CKS1B: variants seen among roughly 807,000 people sequenced by gnomAD.
CKS1B encodes cyclin-dependent kinases regulatory subunit 1.
Under a neutral mutation model 12.2 loss-of-function variants are expected in CKS1B, and 5 were observed. That is an observed-to-expected ratio of 0.41 (90% CI 0.21 to 0.86). The LOEUF is 0.86. Ranked by LOEUF, CKS1B falls within the 40% of genes least tolerant of loss-of-function variation. The pLI is 0.32. For missense variants in CKS1B, 53 were observed against 99.9 expected (o/e 0.53, Z 2.00); for synonymous variants, 24 against 34.4 (o/e 0.70, Z 1.06).
chr1:154,974,941 G>A, intron 1 of CKS1B, 137 bp downstream of exon 1: 1 of 1,613,656 alleles, frequency 6.2e-7, no homozygotes, highest in Non-Finnish European at 8.5e-7. Context: ...GTGATATTGT[G>A]GAAGGCGTAA....
Position 154,974,685 on chromosome 1 carries a change from G to A in CKS1B, c.-61G>A. On this transcript the variant is annotated 5_prime_UTR_variant, in exon 1 of 3. Transcript: ENST00000308987. ...GAGGCCAAAGTGGGTGGGAGCGCGTGCTGTTGGGAGTTGCTTGGAGGTTGG... is the reference window on the plus strand; with the variant it reads ...GAGGCCAAAGTGGGTGGGAGCGCGTACTGTTGGGAGTTGCTTGGAGGTTGG... 6.5e-7 allele frequency: 1 copy of A among 1,546,410 alleles called. No homozygotes were observed. Among genetic ancestry groups the A allele is most frequent in the Admixed American group, 2.0e-5 (1 of 51,210 alleles).
intron 2 of CKS1B, 102 bp downstream of exon 2, chr1:154,978,216 G>C (rs1657237626): frequency 1.7e-6 from 2 of 1,207,016 alleles, no homozygotes; most frequent in East Asian, 2.8e-5. Flanking sequence ...ATGGTTTACT[G>C]GTTCCTTCCC....
In CKS1B at chr1:154,974,741, C is replaced by G. The variant is rs562268645; in HGVS notation, c.-5C>G. 3.8e-6 allele frequency: 6 copies of G among 1,595,856 alleles called. No homozygotes were observed. In the South Asian group the frequency reaches 4.5e-5, roughly 12 times the overall value. On this transcript the variant is annotated 5_prime_UTR_variant, in exon 1 of 3. Transcript: ENST00000308987. ...CGGGGCTGAAGGCTAGCAAACCGAG[C>G]GATCATGTCGCACAAACAAATTTAC...
intron 2 of CKS1B, 195 bp downstream of exon 2, chr1:154,978,309 T>C (rs1657240737): frequency 3.3e-6 from 2 of 601,304 alleles, no homozygotes; most frequent in East Asian, 6.0e-5. Context: ...AGAGACAACC[T>C]GTCACTGAAA....
chr1:154,977,819 A>G (rs1212151916), intron 1 of CKS1B, 168 bp from the exon 2 acceptor site: 1 of 609,210 alleles, frequency 1.6e-6, no homozygotes, highest in Non-Finnish European at 2.8e-6. Flanking sequence ...CGGAATTTAT[A>G]TAACATAGCC....
At chr1:154,975,395 T>TA (rs1429467697) in intron 1 of CKS1B, 1 of 194,998 alleles carries the variant, frequency 5.1e-6, no homozygotes, top group African/African-American at 2.3e-5. Flanking sequence ...AGGGAACAGT[T>TA]ACGGAATACT....
chr1:154,974,784 C>T lies in CKS1B; in HGVS notation c.39C>T (p.Asp13=). ...HKQIYYSDKY[D]DEEFEYRHVM... is the part of the protein sequence containing the mutation. ...AAATTTACTATTCGGACAAATACGA[C>T]GACGAGGAGTTTGAGTATCGGTTAG... The change falls in exon 1 of 3, where the codon GAC becomes GAT. Residue 13 remains aspartate (D), a synonymous_variant. Transcript: ENST00000308987. 6.2e-7 allele frequency: 1 copy of T among 1,613,706 alleles called. No homozygotes were observed. Among genetic ancestry groups the T allele is most frequent in the South Asian group, 1.1e-5 (1 of 91,030 alleles).
At chr1:154,974,912 G>A in intron 1 of CKS1B, 108 bp downstream of exon 1, 1 of 1,613,982 alleles carries the variant, frequency 6.2e-7, no homozygotes, top group Non-Finnish European at 8.5e-7. Context: ...ATGCGTACGA[G>A]GTGCGAACGG....
rs575534478 is a variant in CKS1B, at chr1:154,979,169, G to T, written c.*392G>T. The T allele has an allele frequency of 3.1e-5, 6 of 192,986 alleles. No homozygotes were observed. The highest frequency in any genetic ancestry group is 6.5e-5 in the Non-Finnish European group (6 of 92,458). 12.0% of individuals were successfully genotyped at this position (192,986 alleles called of 1,614,324 possible). ...TGGTGACTTGCGGATTTATGTTTCA[G>T]TGTACTGGAAACTTTCCATTTTATT... On this transcript the variant is annotated 3_prime_UTR_variant, in exon 3 of 3. Coordinates refer to ENST00000308987, the MANE Select transcript of CKS1B (RefSeq NM_001826.3).
intron 2 of CKS1B, 179 bp from the exon 3 acceptor site, chr1:154,978,546 A>G: frequency 1.6e-6 from 1 of 614,034 alleles, no homozygotes; most frequent in East Asian, 2.8e-5. Flanking sequence ...GATATTAACA[A>G]TTCTGTACTT....
chr1:154,974,879 A>C, intron 1 of CKS1B, 75 bp downstream of exon 1: 2 of 1,614,048 alleles, frequency 1.2e-6, no homozygotes, highest in Non-Finnish European at 1.7e-6. Flanking sequence ...TAGTAACAGG[A>C]ACTGAGGCGA....
rs1657235176 is a variant in CKS1B, at chr1:154,978,122, C to T, written c.187+8C>T. 1.2e-6 allele frequency: 2 copies of T among 1,613,452 alleles called. No individual in the cohort carries two copies. Among genetic ancestry groups the T allele is most frequent in the Non-Finnish European group, 1.7e-6 (2 of 1,179,820 alleles). The stretch of plus-strand genomic sequence containing the variant: ...ATATGATCCATGAACCAGGTCAGTG[C>T]ACTGGCTAAAAACAACCATATAGAA... On this transcript the variant is annotated splice_region_variant and intron_variant, in intron 2 of 2. Coordinates refer to ENST00000308987, the MANE Select transcript of CKS1B (RefSeq NM_001826.3).
rs1048266122 is a variant in CKS1B at position 154,978,804 on chromosome 1, A to G, written c.*27A>G. On this transcript the variant is annotated 3_prime_UTR_variant, in exon 3 of 3. Coordinates refer to ENST00000308987, the MANE Select transcript of CKS1B (RefSeq NM_001826.3). ...GCTGGCAAGCTACTTTTCAGCCTCA[A>G]GCTTTACACAGCTGTCCTTACTTCC... The G allele has an allele frequency of 1.5e-6, 2 of 1,333,898 alleles. No individual in the cohort carries two copies. The highest frequency in any genetic ancestry group is 2.9e-5 in the African/African-American group (2 of 69,486). 82.6% of individuals were successfully genotyped at this position (1,333,898 alleles called of 1,614,324 possible).
intron 1 of CKS1B, chr1:154,975,012 C>G: frequency 7.1e-7 from 1 of 1,408,270 alleles, no homozygotes; most frequent in Non-Finnish European, 1.0e-6. Flanking sequence ...TTGGAGTCGC[C>G]TCTCAGTAGA....
At chr1:154,975,732 T>TA (rs1175574485) in intron 1 of CKS1B, 7 of 154,880 alleles carry the variant, frequency 4.5e-5, no homozygotes, top group African/African-American at 1.7e-4. Flanking sequence ...GCTGACCTCT[T>TA]ACTTTCGGTC....
chr1:154,977,813 AT>A, intron 1 of CKS1B, 173 bp from the exon 2 acceptor site: 1 of 600,778 alleles, frequency 1.7e-6, no homozygotes, highest in East Asian at 3.0e-5. Context: ...TACTCTCGGA[AT>A]TTATATAACA....
At chr1:154,974,963 G>A (rs182521423) in intron 1 of CKS1B, 159 bp downstream of exon 1, 8 of 1,605,186 alleles carry the variant, frequency 5.0e-6, no homozygotes, top group Non-Finnish European at 6.0e-6. Context: ...GCGCATGCGC[G>A]GAGGTGGGAG....
intron 1 of CKS1B, chr1:154,975,186 G>T (rs1657127661): frequency 8.5e-6 from 5 of 586,652 alleles, no homozygotes; most frequent in South Asian, 6.2e-5. Flanking sequence ...AGCGGAGCTG[G>T]AAGTTTCCTG....
In CKS1B at chr1:154,974,906, G is replaced by A. The variant is rs1486171715; in HGVS notation, c.59+102G>A. 4.3e-6 allele frequency: 7 copies of A among 1,613,906 alleles called. No individual in the cohort carries two copies. In the Admixed American group the frequency reaches 8.3e-5, roughly 19 times the overall value. The stretch of plus-strand genomic sequence containing the variant: ...CTGAGGCGATAGAATTGGCGCATGC[G>A]TACGAGGTGCGAACGGGCAATGGTG... On this transcript the variant is annotated intron_variant, in intron 1 of 2. Transcript: ENST00000308987.
Sources: allele counts gnomAD v4.1 joint callset, GRCh38; gene constraint gnomAD v4.1.1; transcripts MANE v1.5; gene names NCBI Gene and HGNC (gene_info 2026-07-23, HGNC 2026-07-21).